The following CCDC181 variants were observed in gnomAD, a reference collection of about 807,000 sequenced individuals.
CCDC181 encodes the protein coiled-coil domain-containing protein 181.
Under a neutral mutation model 58.7 loss-of-function variants are expected in CCDC181, and 35 were observed. That is an observed-to-expected ratio of 0.60 (90% CI 0.46 to 0.79). CCDC181 has a LOEUF of 0.79. CCDC181 is among the 30% of genes least tolerant of loss of function. CCDC181 has a pLI of 0.00. For synonymous variants in CCDC181, 183 were observed against 197.5 expected, an observed-to-expected ratio of 0.93 and a Z score of 0.62; for missense variants, 517 against 583.9, an observed-to-expected ratio of 0.89 and a Z score of 1.18.
chr1:169,453,726 CT>C (rs35290206), intron 2 of CCDC181, among the ~76,000 whole-genome samples: 60,779 of 134,708 alleles, frequency 0.45, 12,728 homozygotes, highest in East Asian at 0.77. Flanking sequence ...ACACATAATT[CT>C]TTTTTTTTTT....
intron 2 of CCDC181, among the ~76,000 whole-genome samples, chr1:169,436,840 G>T (rs1020804349): frequency 6.6e-6 from 1 of 152,140 alleles, no homozygotes; most frequent in African/African-American, 2.4e-5. Context: ...CTACATGAAA[G>T]AGCTCACAGA....
chr1:169,456,937 G>A (rs927058422), intron 2 of CCDC181, among the ~76,000 whole-genome samples: 2 of 152,000 alleles, frequency 1.3e-5, no homozygotes, highest in Non-Finnish European at 2.9e-5. Flanking sequence ...ATTTCTCCTG[G>A]ATAATCCATT....
rs763773136 is a variant in CCDC181 at position 169,421,497 on chromosome 1, T to G, written c.934A>C (p.Lys312Gln). 9.3e-6 allele frequency: 15 copies of G among 1,614,020 alleles called. No individual in the cohort carries two copies. In the South Asian group the frequency reaches 1.4e-4, roughly 15 times the overall value. Residue 312 changes from lysine (K) to glutamine (Q), a missense_variant, in exon 3 of 6, where the codon AAA becomes CAA. Coordinates refer to ENST00000367806, the MANE Select transcript of CCDC181 (RefSeq NM_001300969.2). ...PSSAVNSDRS[K>Q]GNGKSNHRTQ... Reference sequence around the variant, plus strand: ...CTGTGATTAGATTTCCCATTCCCTTTACTTCGATCTGAGTTGACAGCAGAG... The same window carrying G: ...CTGTGATTAGATTTCCCATTCCCTTGACTTCGATCTGAGTTGACAGCAGAG...
At chr1:169,414,470 T>C (rs1211164694) in intron 4 of CCDC181, among the ~76,000 whole-genome samples, 3 of 152,182 alleles carry the variant, frequency 2.0e-5, no homozygotes, top group Non-Finnish European at 4.4e-5. Context: ...AACTAGACTA[T>C]ATTGACATTA....
chr1:169,435,991 A>G (rs1406125133), intron 2 of CCDC181, among the ~76,000 whole-genome samples: 2 of 152,194 alleles, frequency 1.3e-5, no homozygotes, highest in Non-Finnish European at 2.9e-5. Flanking sequence ...TCAACCACCT[A>G]AAACCAAGCT....
chr1:169,413,153 A>G (rs1274872191), intron 4 of CCDC181, among the ~76,000 whole-genome samples: 2 of 152,220 alleles, frequency 1.3e-5, no homozygotes. Flanking sequence ...TCCAGAATCT[A>G]CAAGGAACTT....
exon 1 of CCDC181, chr1:169,460,577 G>C (rs1657819801): frequency 6.6e-6 from 1 of 152,342 alleles, no homozygotes; most frequent in Non-Finnish European, 1.5e-5. Context: ...CCTGCTTCCA[G>C]TCTTCAGCCG....
intron 2 of CCDC181, among the ~76,000 whole-genome samples, chr1:169,442,266 C>T (rs1468374907): frequency 1.3e-5 from 2 of 151,884 alleles, no homozygotes. Flanking sequence ...ATGTGCAAAA[C>T]ACTGTTTTTA....
chr1:169,417,335 C>T (rs1469195625), intron 4 of CCDC181, among the ~76,000 whole-genome samples: 1 of 152,188 alleles, frequency 6.6e-6, no homozygotes, highest in Non-Finnish European at 1.5e-5. Context: ...GAACATGACC[C>T]TCTCCTCAGG....
At chr1:169,400,503 AAG>A (rs1655275434) in intron 4 of CCDC181, among the ~76,000 whole-genome samples, 1 of 152,226 alleles carries the variant, frequency 6.6e-6, no homozygotes, top group Non-Finnish European at 1.5e-5. Context: ...AATCCAGAGA[AAG>A]AGGCCTTCAA....
At chr1:169,403,027 AC>A (rs36105559) in intron 4 of CCDC181, among the ~76,000 whole-genome samples, 100,714 of 150,796 alleles carry the variant, frequency 0.67, 33,884 homozygotes, top group East Asian at 0.93. Flanking sequence ...CTCTGAAAAA[AC>A]CAGACTTTAA....
chr1:169,445,833 T>G (rs1657358023), intron 2 of CCDC181, among the ~76,000 whole-genome samples: 2 of 152,162 alleles, frequency 1.3e-5, no homozygotes, highest in Non-Finnish European at 2.9e-5. Context: ...CTATTCAGAT[T>G]GTTTTTCAAG....
At chr1:169,444,890 C>T (rs942199090) in intron 2 of CCDC181, among the ~76,000 whole-genome samples, 5 of 152,268 alleles carry the variant, frequency 3.3e-5, no homozygotes, top group African/African-American at 1.2e-4. Flanking sequence ...AGGTTCATGT[C>T]AGCAACCAGA....
At chr1:169,423,894 G>C (rs775755789) in intron 2 of CCDC181, among the ~76,000 whole-genome samples, 1 of 151,948 alleles carries the variant, frequency 6.6e-6, no homozygotes, top group African/African-American at 2.4e-5. Flanking sequence ...CAAACATTGT[G>C]TATTCCATTT....
At chr1:169,430,897 T>C (rs993565406), upstream of CCDC181, among the ~76,000 whole-genome samples, 1 of 152,142 alleles carries the variant, frequency 6.6e-6, no homozygotes, top group Non-Finnish European at 1.5e-5. Flanking sequence ...ATCAGTCTGA[T>C]TGGTTGTGGA....
At chr1:169,439,968 T>C (rs36003360) in intron 2 of CCDC181, among the ~76,000 whole-genome samples, 11,205 of 151,984 alleles carry the variant, frequency 0.074, 1,538 homozygotes, top group East Asian at 0.66. Context: ...GCTCTTCTGA[T>C]TGTGGATCCC....
At position 169,422,248 on chromosome 1, in the gene CCDC181, G is replaced by T; in HGVS notation, c.183C>A (p.His61Gln). 6.2e-7 allele frequency: 1 copy of T among 1,612,170 alleles called. No individual in the cohort carries two copies. The highest frequency in any genetic ancestry group is 8.5e-7 in the Non-Finnish European group (1 of 1,178,692). Residue 61 changes from histidine (H) to glutamine (Q), a missense_variant, in exon 3 of 6, where the codon CAC becomes CAA. Physicochemically the swap from His to Gln is conservative, Grantham distance 24. Transcript: ENST00000367806. ...TGTCAGGATCAGAATGCCGTTTGGT[G>T]TGCTCCATTACTGTCTCATTCTCTT... ...DLKENETVME[H>Q]TKRHSDPDKS...
rs1655266419 is a variant in CCDC181 at position 169,400,360 on chromosome 1, AT to A, written c.1216-2970del. 2.0e-5 allele frequency among the ~76,000 whole-genome samples: 3 copies of A among 152,218 alleles called. No individual in the cohort carries two copies. The South Asian group carries it at 6.2e-4, about 31-fold the overall frequency. Reference sequence around the variant, plus strand: ...TAATCTAACTGCCTACAAGAAAAAAATTCAATACCCTTTAAAGGAAAACAGT... The same window carrying A: ...TAATCTAACTGCCTACAAGAAAAAAATCAATACCCTTTAAAGGAAAACAGT... On this transcript the variant is annotated intron_variant, in intron 4 of 5. Transcript: ENST00000367806.
intron 4 of CCDC181, among the ~76,000 whole-genome samples, chr1:169,401,315 C>G (rs906197495): frequency 1.3e-5 from 2 of 152,180 alleles, no homozygotes; most frequent in Non-Finnish European, 2.9e-5. Flanking sequence ...TTTCCCAGCA[C>G]GGAGTTTGAG....
Sources: gnomAD v4.1 joint callset for allele counts (sites outside exome capture counted in the v4.1 genomes callset) on GRCh38, gnomAD v4.1.1 for gene constraint, MANE v1.5 for transcripts, NCBI Gene and HGNC (gene_info 2026-07-23, HGNC 2026-07-21) for gene names.